The following FSTL5 variants were observed in gnomAD, a reference collection of about 807,000 sequenced individuals.
The protein encoded by FSTL5 is follistatin-related protein 5.
FSTL5 carries 62 observed loss-of-function variants against 89.1 expected under a neutral mutation model. The ratio of observed to expected loss-of-function variants is 0.70; its 90% confidence interval spans 0.57 to 0.86. The LOEUF (loss-of-function observed/expected upper bound fraction) is 0.86, where lower values mean the gene tolerates loss of function less well. FSTL5 is among the 40% of genes least tolerant of loss of function. The pLI is 0.00. For synonymous variants in FSTL5, 383 were observed against 346.2 expected, an observed-to-expected ratio of 1.11 and a Z score of -1.18; for missense variants, 1,057 against 1,001.6, an observed-to-expected ratio of 1.06 and a Z score of -0.75.
chr4:161,482,482 T>C (rs1729547879), intron 12 of FSTL5, among the ~76,000 whole-genome samples: 1 of 152,192 alleles, frequency 6.6e-6, no homozygotes, highest in Non-Finnish European at 1.5e-5. Context: ...AGAACACTAT[T>C]TTTTCTAATC....
intron 8 of FSTL5, among the ~76,000 whole-genome samples, chr4:161,554,153 T>C (rs1037398077): frequency 3.3e-5 from 5 of 151,592 alleles, no homozygotes; most frequent in Admixed American, 6.6e-5. Context: ...CAGGTTTTTC[T>C]TTCTGGAAAC....
At chr4:161,884,358 T>TTATC (rs1560898713) in intron 4 of FSTL5, among the ~76,000 whole-genome samples, 15 of 152,192 alleles carry the variant, frequency 9.9e-5, no homozygotes, top group African/African-American at 3.6e-4. Flanking sequence ...TACTGCTTAT[T>TTATC]AATTTCATAT....
chr4:161,421,266 G>A (rs190023954), intron 15 of FSTL5, among the ~76,000 whole-genome samples: 2 of 151,938 alleles, frequency 1.3e-5, no homozygotes, highest in South Asian at 2.1e-4. Context: ...GCATGAACCC[G>A]GGAGGTGGAG....
Position 162,138,148 on chromosome 4 carries a change from CTTATAT to C in FSTL5, c.-17+25461_-17+25466del, listed in dbSNP as rs1332452082. On this transcript the variant is annotated intron_variant, in intron 1 of 15. Transcript: ENST00000306100. ...TAAAATATATATACATGTAATATTA[CTTATAT>C]TTATATCTACAGAAGCCTTCTTGCT... Among the ~76,000 whole-genome samples the C allele has an allele frequency of 3.9e-5, 6 of 152,058 alleles. No homozygotes were observed. In the East Asian group the frequency reaches 7.7e-4, roughly 19 times the overall value.
chr4:162,021,606 T>C (rs1737087844), intron 3 of FSTL5, among the ~76,000 whole-genome samples: 1 of 152,060 alleles, frequency 6.6e-6, no homozygotes, highest in Non-Finnish European at 1.5e-5. Flanking sequence ...CCAGCCTTAG[T>C]ATGAAAGAAT....
At chr4:162,077,715 AG>A (rs1249997842) in intron 2 of FSTL5, among the ~76,000 whole-genome samples, 6 of 151,848 alleles carry the variant, frequency 4.0e-5, no homozygotes, top group African/African-American at 1.4e-4. Context: ...TTATCAATAT[AG>A]GTGTAATTAT....
At chr4:161,724,294 T>C (rs1263195930) in intron 6 of FSTL5, among the ~76,000 whole-genome samples, 2 of 152,162 alleles carry the variant, frequency 1.3e-5, no homozygotes, top group Admixed American at 1.3e-4. Context: ...AAAATAAGCA[T>C]TGTTAGCAAT....
At chr4:162,030,321 T>C (rs1324216321) in intron 3 of FSTL5, among the ~76,000 whole-genome samples, 5 of 152,232 alleles carry the variant, frequency 3.3e-5, no homozygotes, top group Non-Finnish European at 7.3e-5. Flanking sequence ...AGATGATATA[T>C]GTAGAAAACT....
intron 6 of FSTL5, among the ~76,000 whole-genome samples, chr4:161,712,196 TG>T (rs1292646444): frequency 6.6e-5 from 10 of 152,150 alleles, no homozygotes; most frequent in African/African-American, 2.4e-4. Flanking sequence ...GTTGTAGGAA[TG>T]GATGCACAAC....
chr4:162,071,555 C>G (rs971580840), intron 2 of FSTL5, among the ~76,000 whole-genome samples: 4 of 151,690 alleles, frequency 2.6e-5, no homozygotes, highest in African/African-American at 9.7e-5. Flanking sequence ...TTTAGGACTT[C>G]AACACCTCAC....
chr4:161,808,576 G>C (rs778061125), intron 4 of FSTL5, among the ~76,000 whole-genome samples: 1 of 151,918 alleles, frequency 6.6e-6, no homozygotes, highest in African/African-American at 2.4e-5. Flanking sequence ...GAAAACCTGC[G>C]TGACATTGGA....
intron 3 of FSTL5, among the ~76,000 whole-genome samples, chr4:162,025,920 T>C (rs559467372): frequency 2.4e-4 from 36 of 151,976 alleles, no homozygotes; most frequent in African/African-American, 8.2e-4. Flanking sequence ...TCAAATAACA[T>C]AAAAATACTT....
chr4:161,556,062 T>C (rs551826318), intron 8 of FSTL5, among the ~76,000 whole-genome samples: 1 of 151,680 alleles, frequency 6.6e-6, no homozygotes, highest in Non-Finnish European at 1.5e-5. Context: ...CAGATGCAAA[T>C]GTAAACCCTG....
At chr4:161,669,371 G>A (rs1169777442) in intron 6 of FSTL5, among the ~76,000 whole-genome samples, 2 of 151,980 alleles carry the variant, frequency 1.3e-5, no homozygotes, top group African/African-American at 4.8e-5. Context: ...TTAGAAGACT[G>A]ATACTACCTG....
At chr4:161,712,329 G>T (rs1190060897) in intron 6 of FSTL5, among the ~76,000 whole-genome samples, 1 of 151,936 alleles carries the variant, frequency 6.6e-6, no homozygotes, top group Non-Finnish European at 1.5e-5. Context: ...AAATAACATA[G>T]AGATAAGACC....
intron 3 of FSTL5, among the ~76,000 whole-genome samples, chr4:161,985,456 A>G (rs1295106496): frequency 2.6e-5 from 4 of 152,070 alleles, no homozygotes; most frequent in African/African-American, 9.7e-5. Flanking sequence ...CCATCTATTA[A>G]TATTACATAG....
chr4:161,973,599 T>C (rs1735546683), intron 3 of FSTL5, among the ~76,000 whole-genome samples: 1 of 152,234 alleles, frequency 6.6e-6, no homozygotes, highest in Admixed American at 6.5e-5. Flanking sequence ...AACAGTTTTA[T>C]GCCTGTTACA....
At chr4:161,993,759 G>C (rs1012002961) in intron 3 of FSTL5, among the ~76,000 whole-genome samples, 1 of 151,972 alleles carries the variant, frequency 6.6e-6, no homozygotes, top group African/African-American at 2.4e-5. Context: ...TATGATAAAA[G>C]TAACATCAAT....
At chr4:161,662,114 T>A (rs1235271169) in intron 6 of FSTL5, among the ~76,000 whole-genome samples, 1 of 152,268 alleles carries the variant, frequency 6.6e-6, no homozygotes, top group Non-Finnish European at 1.5e-5. Context: ...AGTGTGTCCA[T>A]CTCTGTGCTA....
Sources: allele counts gnomAD v4.1 joint callset (sites outside exome capture counted in the v4.1 genomes callset), GRCh38; gene constraint gnomAD v4.1.1; transcripts MANE v1.5; gene names NCBI Gene and HGNC (gene_info 2026-07-23, HGNC 2026-07-21).